Variants in HAPLN1 observed in about 807,000 individuals in gnomAD.
HAPLN1 encodes the protein hyaluronan and proteoglycan link protein 1, also known as Cartilage link protein.
A neutral mutation model predicts 36.5 loss-of-function variants in HAPLN1; 13 were observed. The ratio of observed to expected loss-of-function variants is 0.36; its 90% CI spans 0.23 to 0.57. The LOEUF is 0.57. HAPLN1 is among the 20% of genes least tolerant of loss of function. The pLI, the probability that HAPLN1 is intolerant of heterozygous loss-of-function variation, is 0.83. For missense variants in HAPLN1, 407 were observed against 439.7 expected, an observed-to-expected ratio of 0.93 and a Z score of 0.66; for synonymous variants, 202 against 169.8, an observed-to-expected ratio of 1.19 and a Z score of -1.48.
intron 3 of HAPLN1, 88 bp downstream of exon 3, chr5:83,652,365 G>T: frequency 7.4e-7 from 1 of 1,350,970 alleles, no homozygotes; most frequent in Non-Finnish European, 1.0e-6. Flanking sequence ...CTTTATTACT[G>T]TGTTAACCAC....
chr5:83,695,779 G>C (rs1018727921), intron 1 of HAPLN1, among the ~76,000 whole-genome samples: 1 of 151,438 alleles, frequency 6.6e-6, no homozygotes, highest in Non-Finnish European at 1.5e-5. Context: ...TCCTCAATCT[G>C]ATAAAGGGCA....
Position 83,641,401 on chromosome 5 carries a change from C to T in HAPLN1, c.*95G>A, listed in dbSNP as rs1339056387. On this transcript the variant is annotated 3_prime_UTR_variant, in exon 5 of 5. Transcript: ENST00000274341. ...TACAGTAAGTAAAAAAGGGTTATCACAGTTTTGGTAACTTGCATGAGTTCA... is the reference window on the plus strand; with the variant it reads ...TACAGTAAGTAAAAAAGGGTTATCATAGTTTTGGTAACTTGCATGAGTTCA... The T allele has an allele frequency of 8.7e-7, 1 of 1,151,058 alleles. No homozygotes were observed. The highest frequency in any genetic ancestry group is 1.2e-6 in the Non-Finnish European group (1 of 820,198). The allele number at this position is 1,151,058 out of a possible 1,614,324, so 71.3% of individuals were successfully genotyped here.
intron 2 of HAPLN1, among the ~76,000 whole-genome samples, chr5:83,655,107 AT>A (rs1393096676): frequency 6.6e-6 from 1 of 152,214 alleles, no homozygotes; most frequent in Non-Finnish European, 1.5e-5. Flanking sequence ...GTTTTGAATC[AT>A]GTGGAGTAAA....
intron 2 of HAPLN1, among the ~76,000 whole-genome samples, chr5:83,664,623 T>C (rs1172427699): frequency 6.6e-6 from 1 of 152,168 alleles, no homozygotes; most frequent in African/African-American, 2.4e-5. Context: ...CCTCAAATGA[T>C]CTGCTCCCCT....
chr5:83,652,808 A>G lies in HAPLN1; in HGVS notation c.117T>C (p.His39=), dbSNP rs911415933. ...AIHIQAENGP[H]LLVEAEQAKV... ...TGGCTTGCTCTGCTTCCACAAGTAG[A>G]TGGGGGCCATTTTCTGCTATAATTA... Residue 39 remains histidine, a synonymous_variant, in exon 3 of 5, where the codon CAT becomes CAC. Coordinates refer to ENST00000274341, the MANE Select transcript of HAPLN1 (RefSeq NM_001884.4). 1 of 1,582,286 alleles carries G rather than the reference A, an allele frequency of 6.3e-7. No individual in the cohort carries two copies. The highest frequency in any genetic ancestry group is 8.6e-7 in the Non-Finnish European group (1 of 1,162,660).
At chr5:83,702,446 A>G (rs1379031839) in intron 1 of HAPLN1, among the ~76,000 whole-genome samples, 10 of 152,178 alleles carry the variant, frequency 6.6e-5, no homozygotes, top group Non-Finnish European at 1.5e-5. Flanking sequence ...TAGAGCATCT[A>G]CAAAAGACGC....
Position 83,641,770 on chromosome 5 carries a change from A to C in HAPLN1, c.791T>G (p.Leu264Arg). 6.2e-7 allele frequency: 1 copy of C among 1,613,758 alleles called. No homozygotes were observed. Among genetic ancestry groups the C allele is most frequent in the Non-Finnish European group, 8.5e-7 (1 of 1,179,692 alleles). Residue 264 changes from leucine to arginine, a missense_variant, in exon 5 of 5, where the codon CTG becomes CGG. Coordinates refer to ENST00000274341, the MANE Select transcript of HAPLN1 (RefSeq NM_001884.4). Reference sequence around the variant, plus strand: ...ATAGGTCAGTTTGGTGGGGTGGATCAGATAGTAAAAACGGCCTGTAGAGAA... The same window carrying C: ...ATAGGTCAGTTTGGTGGGGTGGATCCGATAGTAAAAACGGCCTGTAGAGAA... ...TSNFNGRFYYLIHPTKLTYDE... is the reference protein window; with the variant it reads ...TSNFNGRFYYRIHPTKLTYDE...
chr5:83,666,104 T>C (rs534216726), intron 2 of HAPLN1, among the ~76,000 whole-genome samples: 30 of 152,238 alleles, frequency 2.0e-4, no homozygotes, highest in Non-Finnish European at 3.4e-4. Flanking sequence ...TACTATTAGT[T>C]TGATAACCTC....
intron 1 of HAPLN1, among the ~76,000 whole-genome samples, chr5:83,710,144 G>A (rs1037531750): frequency 6.6e-6 from 1 of 152,164 alleles, no homozygotes; most frequent in Non-Finnish European, 1.5e-5. Flanking sequence ...TGTGGGAGTC[G>A]CCAGCACATA....
intron 1 of HAPLN1, among the ~76,000 whole-genome samples, chr5:83,690,856 G>A (rs554621093): frequency 9.4e-4 from 143 of 151,794 alleles, no homozygotes; most frequent in African/African-American, 2.9e-3. Context: ...AAAATAAGTC[G>A]CATATTTTTA....
At chr5:83,701,923 CAA>C (rs35458438) in intron 1 of HAPLN1, among the ~76,000 whole-genome samples, 8,375 of 117,840 alleles carry the variant, frequency 0.071, 290 homozygotes, top group Admixed American at 0.097. Flanking sequence ...GAGACTTCGA[CAA>C]AAACACACAC....
chr5:83,698,983 G>C (rs1344831303), intron 1 of HAPLN1, among the ~76,000 whole-genome samples: 1 of 152,136 alleles, frequency 6.6e-6, no homozygotes, highest in Admixed American at 6.5e-5. Context: ...ATTTTTAGCA[G>C]AGAATATGCT....
intron 2 of HAPLN1, among the ~76,000 whole-genome samples, chr5:83,664,245 C>T (rs1254168553): frequency 6.6e-6 from 1 of 152,010 alleles, no homozygotes. Context: ...TTTATGTGAC[C>T]GTCTCCCACT....
At chr5:83,650,041 A>G (rs6899025) in intron 3 of HAPLN1, among the ~76,000 whole-genome samples, 10 of 152,354 alleles carry the variant, frequency 6.6e-5, no homozygotes, top group African/African-American at 2.4e-4. Context: ...AGCACAGGAC[A>G]GGTCCTAGCT....
At chr5:83,665,871 A>C (rs766250414) in intron 2 of HAPLN1, among the ~76,000 whole-genome samples, 30 of 152,212 alleles carry the variant, frequency 2.0e-4, no homozygotes, top group Non-Finnish European at 4.0e-4. Context: ...AAGTCAAGTA[A>C]CCAACATGTT....
intron 1 of HAPLN1, among the ~76,000 whole-genome samples, chr5:83,708,643 T>A (rs1284643316): frequency 6.6e-6 from 1 of 152,158 alleles, no homozygotes; most frequent in Admixed American, 6.5e-5. Flanking sequence ...TGAAATAATC[T>A]GTACAACTAA....
Position 83,652,440 on chromosome 5 carries a change from T to TATAGA in HAPLN1, c.472+8_472+12dup. 1 of 1,605,680 alleles carries TATAGA rather than the reference T, an allele frequency of 6.2e-7. No homozygotes were observed. The highest frequency in any genetic ancestry group is 1.1e-5 in the South Asian group (1 of 89,830). Reference sequence around the variant, plus strand: ...GACCATTTATACGTTGAACATGACTTATAGATACATACCTTGTAAGTCCAG... The same window carrying TATAGA: ...GACCATTTATACGTTGAACATGACTTATAGAATAGATACATACCTTGTAAGTCCAG... On this transcript the variant is annotated intron_variant, in intron 3 of 4. Coordinates refer to ENST00000274341, the MANE Select transcript of HAPLN1 (RefSeq NM_001884.4).
chr5:83,717,135 T>C (rs894565437), intron 1 of HAPLN1, among the ~76,000 whole-genome samples: 1 of 152,212 alleles, frequency 6.6e-6, no homozygotes, highest in African/African-American at 2.4e-5. Flanking sequence ...AGAATGAGTA[T>C]GCAATTCATT....
rs1350931763 is a variant in HAPLN1 at position 83,639,936 on chromosome 5, ATAGAG to A, written c.*1555_*1559del. The A allele has an allele frequency of 6.6e-6, 1 of 152,114 alleles. No individual in the cohort carries two copies. Among genetic ancestry groups the A allele is most frequent in the East Asian group, 1.9e-4 (1 of 5,198 alleles). The allele number at this position is 152,114 out of a possible 1,614,324, so 9.4% of individuals were successfully genotyped here. A position where few individuals can be genotyped will look rare whatever the true frequency, so the allele number is the denominator to read the frequency against. On this transcript the variant is annotated 3_prime_UTR_variant, in exon 5 of 5. Coordinates refer to ENST00000274341, the MANE Select transcript of HAPLN1 (RefSeq NM_001884.4). ...CTATACCTTCCACACACAGAACTCT[ATAGAG>A]TAAATTTATTAGAATTATTACAGAG...
Sources: allele counts gnomAD v4.1 joint callset (sites outside exome capture counted in the v4.1 genomes callset), GRCh38; gene constraint gnomAD v4.1.1; transcripts MANE v1.5; gene names NCBI Gene and HGNC (gene_info 2026-07-23, HGNC 2026-07-21).